The following CPEB1 variants were observed in gnomAD, a reference collection of about 807,000 sequenced individuals.
CPEB1 encodes the protein cytoplasmic polyadenylation element-binding protein 1.
A neutral mutation model predicts 65.8 loss-of-function variants in CPEB1; 7 were observed. That is an observed-to-expected ratio of 0.11 (90% CI 0.06 to 0.20). The LOEUF is 0.20. CPEB1 is among the 10% of genes least tolerant of loss of function. CPEB1 has a pLI of 1.00. For missense variants in CPEB1, 551 were observed against 712.2 expected (o/e 0.77, Z 2.58); for synonymous variants, 262 against 260.0 (o/e 1.01, Z -0.08).
chr15:82,648,100 C>G (rs975556011), upstream of CPEB1: 5 of 370,708 alleles, frequency 1.3e-5, no homozygotes, highest in Admixed American at 9.3e-5. Context: ...CCCGCCCCTC[C>G]TAGCAGGCCG....
At chr15:82,601,188 A>G (rs917509967) in intron 3 of CPEB1, among the ~76,000 whole-genome samples, 10 of 149,874 alleles carry the variant, frequency 6.7e-5, no homozygotes, top group African/African-American at 2.5e-4. Flanking sequence ...GTTTACAGGC[A>G]TGAGTCACCG....
At chr15:82,634,513 G>GT (rs1331958735) in intron 1 of CPEB1, among the ~76,000 whole-genome samples, 1 of 152,112 alleles carries the variant, frequency 6.6e-6, no homozygotes, top group Non-Finnish European at 1.5e-5. Flanking sequence ...TACCAATGCT[G>GT]AAGACCCTTC....
chr15:82,632,315 C>T (rs539388241), intron 1 of CPEB1, among the ~76,000 whole-genome samples: 92 of 152,190 alleles, frequency 6.0e-4, no homozygotes, highest in African/African-American at 2.2e-3. Flanking sequence ...ACTTCATACA[C>T]ATAGCCTGAA....
chr15:82,576,476 T>C (rs1225332037), intron 3 of CPEB1, among the ~76,000 whole-genome samples: 1 of 152,236 alleles, frequency 6.6e-6, no homozygotes, highest in African/African-American at 2.4e-5. Flanking sequence ...TAGTATTGAA[T>C]ACTAGTTAAT....
intron 1 of CPEB1, among the ~76,000 whole-genome samples, chr15:82,631,982 C>T (rs867448808): frequency 2.4e-4 from 30 of 124,982 alleles, no homozygotes; most frequent in African/African-American, 3.7e-4. Context: ...ATTTTTTTCT[C>T]TTTTTTTTTT....
intron 3 of CPEB1, among the ~76,000 whole-genome samples, chr15:82,597,970 G>C (rs554315280): frequency 6.6e-6 from 1 of 152,326 alleles, no homozygotes; most frequent in Admixed American, 6.5e-5. Flanking sequence ...GACAATGACT[G>C]AGTTGGAGGA....
At chr15:82,558,158 G>A (rs943460751) in intron 4 of CPEB1, among the ~76,000 whole-genome samples, 172 bp from the exon 5 acceptor site, 21 of 152,170 alleles carry the variant, frequency 1.4e-4, no homozygotes, top group Admixed American at 1.1e-3. Flanking sequence ...AGACCTGGCC[G>A]CAAGGGCCTT....
chr15:82,581,197 A>G (rs2041250984), intron 3 of CPEB1, among the ~76,000 whole-genome samples: 1 of 152,102 alleles, frequency 6.6e-6, no homozygotes. Context: ...GCTGGCCCCA[A>G]ACTCCTGGGC....
At chr15:82,610,981 A>AAAAAAAAAAAAAAAAAAAAAG (rs1567220262) in intron 3 of CPEB1, among the ~76,000 whole-genome samples, 2 of 135,130 alleles carry the variant, frequency 1.5e-5, no homozygotes, top group African/African-American at 3.0e-5. Flanking sequence ...AAAAAAAAAA[A>AAAAAAAAAAAAAAAAAAAAAG]AAAAAAAGAA....
intron 1 of CPEB1, chr15:82,630,073 G>A (rs889560433): frequency 2.9e-5 from 29 of 985,368 alleles, no homozygotes; most frequent in Non-Finnish European, 3.1e-5. Context: ...CTCAATTTCA[G>A]GAAGGCAACT....
chr15:82,574,818 T>C (rs1171548326), intron 3 of CPEB1, among the ~76,000 whole-genome samples: 1 of 146,744 alleles, frequency 6.8e-6, no homozygotes, highest in African/African-American at 2.6e-5. Flanking sequence ...AAAATTAATA[T>C]ACAGATGTTC....
intron 1 of CPEB1, among the ~76,000 whole-genome samples, chr15:82,645,464 T>C (rs913028522): frequency 1.3e-5 from 2 of 152,082 alleles, no homozygotes; most frequent in East Asian, 1.9e-4. Context: ...TACTTTTTTA[T>C]TACAAAGGTT....
At chr15:82,576,311 G>C (rs2040641085) in intron 3 of CPEB1, among the ~76,000 whole-genome samples, 1 of 152,192 alleles carries the variant, frequency 6.6e-6, no homozygotes, top group Admixed American at 6.5e-5. Context: ...GGTAGATTAG[G>C]AAGGGGTACA....
At chr15:82,606,158 T>C (rs1393580052) in intron 3 of CPEB1, among the ~76,000 whole-genome samples, 1 of 152,024 alleles carries the variant, frequency 6.6e-6, no homozygotes, top group Non-Finnish European at 1.5e-5. Context: ...TGACCTAGAT[T>C]GTTAATATAA....
intron 3 of CPEB1, among the ~76,000 whole-genome samples, chr15:82,624,099 T>C (rs1596123302): frequency 6.6e-6 from 1 of 152,342 alleles, no homozygotes; most frequent in South Asian, 2.1e-4. Context: ...CCTAGTTTAC[T>C]TTCTCATTAA....
intron 1 of CPEB1, among the ~76,000 whole-genome samples, chr15:82,630,751 A>T (rs559124721): frequency 6.6e-6 from 1 of 152,350 alleles, no homozygotes; most frequent in South Asian, 2.1e-4. Flanking sequence ...GTAAAGAGGA[A>T]GTTCTAAAGA....
chr15:82,571,002 T>A (rs1251087770), intron 4 of CPEB1, among the ~76,000 whole-genome samples: 1 of 152,138 alleles, frequency 6.6e-6, no homozygotes, highest in Non-Finnish European at 1.5e-5. Flanking sequence ...TTTTGCTTCA[T>A]CATCTCCAAG....
intron 4 of CPEB1, among the ~76,000 whole-genome samples, chr15:82,568,214 A>G (rs989825376): frequency 6.6e-6 from 1 of 152,192 alleles, no homozygotes; most frequent in Non-Finnish European, 1.5e-5. Flanking sequence ...CTGTACAAGC[A>G]TTAAAATCAT....
intron 3 of CPEB1, 47 bp downstream of exon 3, chr15:82,627,146 G>T (rs746567716): frequency 4.0e-6 from 6 of 1,514,424 alleles, no homozygotes; most frequent in Non-Finnish European, 5.4e-6. Context: ...CTTAGAAGCA[G>T]ATCTGTACAG....
Sources: allele counts gnomAD v4.1 joint callset (sites outside exome capture counted in the v4.1 genomes callset), GRCh38; gene constraint gnomAD v4.1.1; transcripts MANE v1.5; gene names NCBI Gene and HGNC (gene_info 2026-07-23, HGNC 2026-07-21).